BRCC3: variants seen among roughly 807,000 people sequenced by gnomAD.
BRCC3 encodes the protein BRCA1/BRCA2-containing complex subunit 3, also known as lys-63-specific deubiquitinase BRCC36.
BRCC3 carries 15 observed loss-of-function variants against 28.0 expected under a neutral mutation model. The ratio of observed to expected loss-of-function variants is 0.54; its 90% CI spans 0.36 to 0.82. BRCC3 has a LOEUF of 0.82. Among genes scored for constraint, BRCC3 ranks in the 40% least tolerant of loss-of-function variants. The probability of loss-of-function intolerance (pLI) is 0.01; values close to 1 mark genes in which losing one functional copy is unlikely to be tolerated. For synonymous variants in BRCC3, 66 were observed against 80.3 expected, an observed-to-expected ratio of 0.82 and a Z score of 0.95; for missense variants, 109 against 225.9, an observed-to-expected ratio of 0.48 and a Z score of 3.32.
intron 5 of BRCC3, among the ~76,000 whole-genome samples, chrX:155,087,428 C>T (rs2074140279): frequency 1.8e-5 from 2 of 111,773 alleles, no homozygotes; most frequent in South Asian, 3.7e-4. Flanking sequence ...ACTGAGCTTA[C>T]GTGAGACATA....
intron 5 of BRCC3, among the ~76,000 whole-genome samples, chrX:155,087,298 G>A (rs1180018886): frequency 6.2e-5 from 7 of 112,004 alleles, no homozygotes; most frequent in Admixed American, 9.4e-5. Flanking sequence ...GGGGTACGAG[G>A]GACTCCCCCG....
rs782476658 is a variant in BRCC3 at position 155,073,358 on chromosome X, T to C, written c.141-19T>C. ...CCAAACCCCACTTCCTTTTTTTTTT[T>C]CTAATTTATTCCCAGTAGGAGTGAC... On this transcript the variant is annotated intron_variant, in intron 2 of 10. Transcript: ENST00000330045. 15 of 1,152,428 alleles carry C rather than the reference T, an allele frequency of 1.3e-5. No homozygotes were observed. In the African/African-American group the frequency reaches 2.7e-4, roughly 21 times the overall value. The allele number at this position is 1,152,428 out of a possible 1,213,427, so 95.0% of individuals were successfully genotyped here.
intron 3 of BRCC3, among the ~76,000 whole-genome samples, chrX:155,076,029 C>G (rs1265223989): frequency 8.9e-6 from 1 of 112,308 alleles, no homozygotes; most frequent in East Asian, 2.8e-4. Context: ...TTTTTAGATT[C>G]ATATTCTGCT....
intron 7 of BRCC3, among the ~76,000 whole-genome samples, chrX:155,097,912 C>T (rs997707638): frequency 6.3e-5 from 7 of 111,349 alleles, no homozygotes; most frequent in African/African-American, 1.6e-4. Flanking sequence ...AGGAGAAAGG[C>T]GTGAACCCGG....
chrX:155,081,677 A>G (rs2074086589), intron 5 of BRCC3, among the ~76,000 whole-genome samples: 2 of 112,187 alleles, frequency 1.8e-5, no homozygotes, highest in South Asian at 7.3e-4. Flanking sequence ...AAGGAAAGGT[A>G]TAATTTTAGT....
intron 7 of BRCC3, among the ~76,000 whole-genome samples, chrX:155,093,202 G>A (rs1001712295): frequency 1.8e-5 from 2 of 110,765 alleles, no homozygotes; most frequent in Non-Finnish European, 3.8e-5. Context: ...TTCAGCTCTG[G>A]GCAATTCTCT....
At chrX:155,108,399 T>C (rs1181057152) in intron 7 of BRCC3, among the ~76,000 whole-genome samples, 1 of 112,180 alleles carries the variant, frequency 8.9e-6, no homozygotes, top group Non-Finnish European at 1.9e-5. Flanking sequence ...AATCCTTACA[T>C]AAGCCTCTTT....
At chrX:155,107,463 T>A (rs2074292475) in intron 7 of BRCC3, among the ~76,000 whole-genome samples, 1 of 110,566 alleles carries the variant, frequency 9.0e-6, no homozygotes, top group Non-Finnish European at 1.9e-5. Context: ...CCTTCATGGT[T>A]TGCTTATTTC....
At chrX:155,087,773 G>C (rs2074144143) in intron 5 of BRCC3, among the ~76,000 whole-genome samples, 1 of 111,692 alleles carries the variant, frequency 9.0e-6, no homozygotes, top group Non-Finnish European at 1.9e-5. Context: ...GCTGAGATCA[G>C]GTAAATTGAA....
chrX:155,089,482 A>T (rs2074160584), intron 6 of BRCC3, 131 bp downstream of exon 6: 1 of 416,764 alleles, frequency 2.4e-6, no homozygotes, highest in African/African-American at 2.5e-5. Flanking sequence ...GAAAAGGGTC[A>T]TTGAGTCAGG....
chrX:155,088,737 T>C (rs1412265102), intron 5 of BRCC3, among the ~76,000 whole-genome samples: 2 of 111,227 alleles, frequency 1.8e-5, no homozygotes, highest in Non-Finnish European at 3.8e-5. Flanking sequence ...TCAGTAACCA[T>C]ATCAAGCAGA....
At chrX:155,074,463 A>C (rs996149201) in intron 3 of BRCC3, among the ~76,000 whole-genome samples, 10 of 110,791 alleles carry the variant, frequency 9.0e-5, no homozygotes, top group Admixed American at 8.6e-4. Context: ...AACTCTCATG[A>C]GTTTTTGTTG....
chrX:155,115,980 T>C (rs1557298674), intron 7 of BRCC3, 77 bp from the exon 8 acceptor site: 18 of 1,016,536 alleles, frequency 1.8e-5, no homozygotes, highest in Non-Finnish European at 2.4e-5. Context: ...ATCCCAAACT[T>C]CCAATTAAAA....
intron 5 of BRCC3, among the ~76,000 whole-genome samples, chrX:155,087,488 ACTTAGAT>A (rs1216136095): frequency 8.9e-6 from 1 of 112,061 alleles, no homozygotes; most frequent in African/African-American, 3.2e-5. Context: ...TCAGACGGCA[ACTTAGAT>A]CTATGGTTCT....
intron 7 of BRCC3, among the ~76,000 whole-genome samples, chrX:155,100,903 T>C: frequency 9.0e-6 from 1 of 110,638 alleles, no homozygotes; most frequent in Admixed American, 9.6e-5. Context: ...AATAATTTTT[T>C]TTTTTTTTGA....
rs782143748 is a variant in BRCC3 at position 155,105,979 on chromosome X, G to A, written c.549-10078G>A. Among the ~76,000 whole-genome samples the A allele has an allele frequency of 9.8e-5, 11 of 112,272 alleles. No individual in the cohort carries two copies. The South Asian group carries it at 1.5e-3, about 15-fold the overall frequency. On this transcript the variant is annotated intron_variant, in intron 7 of 10. Transcript: ENST00000330045. ...TGTGAGCCCAGGCTTGAGCCACCAC[G>A]CCCATCCAAGACCCTGACTATTCTT... is the stretch of plus-strand genomic sequence containing the variant.
At chrX:155,100,904 T>A (rs2074242972) in intron 7 of BRCC3, among the ~76,000 whole-genome samples, 1 of 110,570 alleles carries the variant, frequency 9.0e-6, no homozygotes, top group South Asian at 3.8e-4. Context: ...ATAATTTTTT[T>A]TTTTTTTGAG....
intron 5 of BRCC3, among the ~76,000 whole-genome samples, chrX:155,081,987 A>G (rs1329332524): frequency 1.8e-5 from 2 of 111,893 alleles, no homozygotes; most frequent in East Asian, 5.5e-4. Flanking sequence ...TTGTACTTGT[A>G]AATATAAACA....
intron 3 of BRCC3, among the ~76,000 whole-genome samples, chrX:155,076,553 G>GGA (rs1362912426): frequency 6.3e-5 from 7 of 110,764 alleles, no homozygotes; most frequent in Non-Finnish European, 1.1e-4. Flanking sequence ...CATGGTGGTA[G>GGA]GAGAGAGAGA....
Sources: allele counts gnomAD v4.1 joint callset (sites outside exome capture counted in the v4.1 genomes callset), GRCh38; gene constraint gnomAD v4.1.1; transcripts MANE v1.5; gene names NCBI Gene and HGNC (gene_info 2026-07-23, HGNC 2026-07-21).